Variants in PPP2R2B observed in about 807,000 individuals in gnomAD.
PPP2R2B encodes serine/threonine-protein phosphatase 2A 55 kDa regulatory subunit B beta isoform.
In PPP2R2B, 5 loss-of-function variants were observed where a neutral mutation model predicts 46.0. The ratio of observed to expected loss-of-function variants is 0.11; its 90% CI spans 0.06 to 0.23. PPP2R2B has a LOEUF of 0.23. Among genes scored for constraint, PPP2R2B ranks in the 10% least tolerant of loss-of-function variants. The pLI, the probability that PPP2R2B is intolerant of heterozygous loss-of-function variation, is 1.00. For missense variants in PPP2R2B, 367 were observed against 575.0 expected, an observed-to-expected ratio of 0.64 and a Z score of 3.70; for synonymous variants, 215 against 206.7, an observed-to-expected ratio of 1.04 and a Z score of -0.34.
At chr5:147,054,901 TATACAACCA>T (rs1357207519) in intron 1 of PPP2R2B, among the ~76,000 whole-genome samples, 2 of 152,178 alleles carry the variant, frequency 1.3e-5, no homozygotes, top group Non-Finnish European at 2.9e-5. Flanking sequence ...ATATAGAAGG[TATACAACCA>T]GCTTCTGACT....
chr5:146,905,281 T>C (rs1257146628), intron 1 of PPP2R2B, among the ~76,000 whole-genome samples: 1 of 152,198 alleles, frequency 6.6e-6, no homozygotes, highest in Non-Finnish European at 1.5e-5. Context: ...TGTATATTTA[T>C]TAGGAAGAAA....
chr5:146,726,771 C>G (rs558834159), intron 2 of PPP2R2B, among the ~76,000 whole-genome samples: 2 of 152,238 alleles, frequency 1.3e-5, no homozygotes, highest in Admixed American at 1.3e-4. Flanking sequence ...TTCCCACAGT[C>G]TCTTTTGCTG....
At chr5:146,920,383 A>G (rs2151813945) in intron 1 of PPP2R2B, among the ~76,000 whole-genome samples, 1 of 152,290 alleles carries the variant, frequency 6.6e-6, no homozygotes, top group Middle Eastern at 3.4e-3. Context: ...GTGCTCAAGA[A>G]ATGCTTGTTG....
At chr5:147,014,160 G>A (rs1561577176) in intron 1 of PPP2R2B, among the ~76,000 whole-genome samples, 2 of 130,056 alleles carry the variant, frequency 1.5e-5, no homozygotes, top group Non-Finnish European at 3.4e-5. Flanking sequence ...GGCCATCAGA[G>A]AAATGCAAAT....
chr5:146,996,279 G>A (rs1005067348), intron 1 of PPP2R2B, among the ~76,000 whole-genome samples: 2 of 152,122 alleles, frequency 1.3e-5, no homozygotes, highest in African/African-American at 4.8e-5. Context: ...TTAAATAACT[G>A]GGAAAAAATT....
intron 2 of PPP2R2B, among the ~76,000 whole-genome samples, chr5:146,849,145 T>G (rs1760188963): frequency 6.6e-6 from 1 of 152,194 alleles, no homozygotes; most frequent in Non-Finnish European, 1.5e-5. Flanking sequence ...CCTGGTTCCT[T>G]TTATTAAAGA....
chr5:147,034,570 A>T (rs1755947933), intron 1 of PPP2R2B, among the ~76,000 whole-genome samples: 1 of 152,006 alleles, frequency 6.6e-6, no homozygotes, highest in Non-Finnish European at 1.5e-5. Flanking sequence ...TTTTTTCTTT[A>T]CTTAAAGGGA....
At chr5:146,905,230 A>T (rs1762958755) in intron 1 of PPP2R2B, among the ~76,000 whole-genome samples, 1 of 152,128 alleles carries the variant, frequency 6.6e-6, no homozygotes, top group South Asian at 2.1e-4. Context: ...AATATTTGTT[A>T]TTCCCCTATA....
At chr5:146,811,724 C>T (rs868598779) in intron 2 of PPP2R2B, among the ~76,000 whole-genome samples, 7 of 145,576 alleles carry the variant, frequency 4.8e-5, no homozygotes, top group African/African-American at 1.8e-4. Flanking sequence ...CCACGCCCGG[C>T]TAATTTTTTT....
chr5:146,936,002 T>C (rs556574526), intron 1 of PPP2R2B, among the ~76,000 whole-genome samples: 105 of 152,286 alleles, frequency 6.9e-4, no homozygotes, highest in Middle Eastern at 3.4e-3. Flanking sequence ...ATGGAGCATA[T>C]TTGTACCTGG....
chr5:146,919,683 C>T (rs1193170108), intron 1 of PPP2R2B: 1 of 152,204 alleles, frequency 6.6e-6, no homozygotes, highest in African/African-American at 2.4e-5. Flanking sequence ...GAAGGACTCA[C>T]CTGCCACAAC....
intron 7 of PPP2R2B, among the ~76,000 whole-genome samples, chr5:146,621,172 T>C (rs1773665539): frequency 6.6e-6 from 1 of 152,242 alleles, no homozygotes. Context: ...GCAGTCTGCC[T>C]CTGTGTTCCC....
intron 1 of PPP2R2B, among the ~76,000 whole-genome samples, chr5:146,987,514 T>C (rs1434311643): frequency 6.6e-6 from 1 of 152,106 alleles, no homozygotes; most frequent in African/African-American, 2.4e-5. Context: ...TTTTATTTTT[T>C]GTTTCTTTTA....
intron 1 of PPP2R2B, among the ~76,000 whole-genome samples, chr5:146,987,365 C>T (rs1248862694): frequency 1.3e-5 from 2 of 151,890 alleles, no homozygotes; most frequent in African/African-American, 4.8e-5. Flanking sequence ...TGTAACCACC[C>T]ATATCTTTAG....
At chr5:146,932,064 T>C (rs1377416707) in intron 1 of PPP2R2B, among the ~76,000 whole-genome samples, 1 of 152,176 alleles carries the variant, frequency 6.6e-6, no homozygotes, top group African/African-American at 2.4e-5. Context: ...GAACCTTCCT[T>C]AGTATGTTTG....
At chr5:146,698,587 A>C (rs143953165) in intron 3 of PPP2R2B, among the ~76,000 whole-genome samples, 1 of 151,950 alleles carries the variant, frequency 6.6e-6, no homozygotes, top group African/African-American at 2.4e-5. Context: ...TGTAGCATCT[A>C]TGACTTTCAT....
chr5:146,921,902 G>A (rs961254338), intron 1 of PPP2R2B, among the ~76,000 whole-genome samples: 1 of 152,150 alleles, frequency 6.6e-6, no homozygotes, highest in East Asian at 1.9e-4. Context: ...AAGTCACTTG[G>A]ATGAGTGCTT....
intron 1 of PPP2R2B, among the ~76,000 whole-genome samples, chr5:147,028,989 T>C (rs1053448039): frequency 6.6e-6 from 1 of 152,206 alleles, no homozygotes; most frequent in African/African-American, 2.4e-5. Flanking sequence ...TCTTGCCTAT[T>C]GTTCTATTGA....
intron 2 of PPP2R2B, among the ~76,000 whole-genome samples, chr5:146,727,626 T>C (rs751771809): frequency 1.1e-4 from 17 of 152,026 alleles, no homozygotes; most frequent in Non-Finnish European, 2.1e-4. Flanking sequence ...CACTATGCAA[T>C]AGATCCATGG....
Sources: allele counts gnomAD v4.1 joint callset (sites outside exome capture counted in the v4.1 genomes callset), GRCh38; gene constraint gnomAD v4.1.1; transcripts MANE v1.5; gene names NCBI Gene and HGNC (gene_info 2026-07-23, HGNC 2026-07-21).